The following REC114 variants were observed in gnomAD, a reference collection of about 807,000 sequenced individuals.
The protein encoded by REC114 is REC114 meiotic recombination protein.
Under a neutral mutation model 31.3 loss-of-function variants are expected in REC114, and 27 were observed. That is an observed-to-expected ratio of 0.86 (90% CI 0.64 to 1.19). The LOEUF (loss-of-function observed/expected upper bound fraction) is 1.19, where lower values mean the gene tolerates loss of function less well. REC114 is among the 50% of genes most tolerant of loss of function. The pLI, the probability that REC114 is intolerant of heterozygous loss-of-function variation, is 0.00. For missense variants in REC114, 344 were observed against 326.9 expected (o/e 1.05, Z -0.40); for synonymous variants, 134 against 127.7 (o/e 1.05, Z -0.33).
At chr15:73,522,026 A>T (rs1893942891) in intron 2 of REC114, among the ~76,000 whole-genome samples, 1 of 152,194 alleles carries the variant, frequency 6.6e-6, no homozygotes, top group Non-Finnish European at 1.5e-5. Flanking sequence ...TTTAAAAATC[A>T]ATGTGTTTCA....
intron 2 of REC114, among the ~76,000 whole-genome samples, chr15:73,521,964 A>C (rs1007891196): frequency 4.6e-5 from 7 of 152,232 alleles, no homozygotes; most frequent in Non-Finnish European, 5.9e-5. Flanking sequence ...TAAAATGAAC[A>C]GTACATTACA....
chr15:73,461,107 TTGG>T (rs1423691541), intron 1 of REC114, among the ~76,000 whole-genome samples: 6 of 152,100 alleles, frequency 3.9e-5, no homozygotes, highest in African/African-American at 1.2e-4. Context: ...GATTACTTTT[TTGG>T]TGGTGGGGAA....
intron 1 of REC114, among the ~76,000 whole-genome samples, chr15:73,451,672 C>T (rs1215087159): frequency 6.6e-6 from 1 of 152,064 alleles, no homozygotes; most frequent in Non-Finnish European, 1.5e-5. Context: ...GGCAGAGACA[C>T]AACAAAAAAA....
At chr15:73,477,719 C>T (rs1187647226) in intron 2 of REC114, among the ~76,000 whole-genome samples, 1 of 152,100 alleles carries the variant, frequency 6.6e-6, no homozygotes, top group Admixed American at 6.6e-5. Flanking sequence ...TGCCTGGCTG[C>T]AAAGATTTTT....
chr15:73,540,658 G>A, intron 3 of REC114, 90 bp downstream of exon 3: 1 of 1,061,920 alleles, frequency 9.4e-7, no homozygotes. Flanking sequence ...TAGGTGACGG[G>A]TACTGGGAAG....
intron 1 of REC114, among the ~76,000 whole-genome samples, chr15:73,449,729 T>C (rs1389145332): frequency 6.6e-6 from 1 of 151,872 alleles, no homozygotes; most frequent in African/African-American, 2.4e-5. Flanking sequence ...AAGGAAAAAA[T>C]GTTAAGGGCA....
At chr15:73,506,119 ATTAC>A (rs1294967701) in intron 2 of REC114, among the ~76,000 whole-genome samples, 3 of 152,110 alleles carry the variant, frequency 2.0e-5, no homozygotes, top group African/African-American at 7.2e-5. Context: ...AAATGTTATT[ATTAC>A]TTATTTATGG....
intron 2 of REC114, among the ~76,000 whole-genome samples, chr15:73,510,106 C>A (rs1893740976): frequency 6.6e-6 from 1 of 151,978 alleles, no homozygotes; most frequent in Admixed American, 6.6e-5. Context: ...TTTGTATCCT[C>A]TTTTATTTCT....
intron 2 of REC114, among the ~76,000 whole-genome samples, chr15:73,520,885 T>G (rs1328770636): frequency 2.6e-5 from 4 of 152,210 alleles, no homozygotes; most frequent in African/African-American, 9.6e-5. Context: ...CATTTTTTCA[T>G]TAATTCATCA....
At chr15:73,542,146 C>G (rs1057111766) in intron 3 of REC114, among the ~76,000 whole-genome samples, 2 of 151,614 alleles carry the variant, frequency 1.3e-5, no homozygotes, top group Admixed American at 1.3e-4. Context: ...GCCTGGACAA[C>G]GTGATGAAAC....
intron 5 of REC114, among the ~76,000 whole-genome samples, chr15:73,556,933 C>T (rs939210481): frequency 1.3e-5 from 2 of 152,146 alleles, no homozygotes; most frequent in South Asian, 2.1e-4. Flanking sequence ...GGTTGTGTGA[C>T]GTCCACTCTC....
intron 2 of REC114, among the ~76,000 whole-genome samples, chr15:73,508,178 G>A (rs11854374): frequency 0.15 from 22,310 of 151,982 alleles, 2,717 homozygotes; most frequent in African/African-American, 0.33. Flanking sequence ...CACATCTGGC[G>A]TCTGTTTGTT....
chr15:73,443,314 A>G lies in REC114; in HGVS notation c.129A>G (p.Glu43=). Residue 43 remains glutamate, a synonymous_variant, in exon 1 of 6, where the codon GAA becomes GAG. Transcript: ENST00000331090. The part of the protein sequence containing the change: ...NTRDPPGPCL[E]AGTAPCPTWK... ...GAGACCCACCTGGGCCATGCCTGGA[A>G]GCTGGGACAGCCCCCTGCCCCACAT... The G allele has an allele frequency of 6.3e-7, 1 of 1,582,634 alleles. No homozygotes were observed. The highest frequency in any genetic ancestry group is 1.3e-5 in the African/African-American group (1 of 74,406).
At chr15:73,461,082 G>T in intron 1 of REC114, among the ~76,000 whole-genome samples, 1 of 151,844 alleles carries the variant, frequency 6.6e-6, no homozygotes, top group Non-Finnish European at 1.5e-5. Flanking sequence ...AAAAGAAAAA[G>T]TTCTCTATAT....
At chr15:73,494,491 C>CAAAA (rs769659178) in intron 2 of REC114, among the ~76,000 whole-genome samples, 1 of 84,158 alleles carries the variant, frequency 1.2e-5, no homozygotes, top group Admixed American at 1.4e-4. Flanking sequence ...GACCCTGTCT[C>CAAAA]AAAAAAAAAA....
At chr15:73,522,411 C>A (rs1223202520) in intron 2 of REC114, among the ~76,000 whole-genome samples, 1 of 152,200 alleles carries the variant, frequency 6.6e-6, no homozygotes, top group Non-Finnish European at 1.5e-5. Flanking sequence ...CCACCACAAT[C>A]AATATGTAGA....
At chr15:73,469,522 T>C (rs1453407668) in intron 1 of REC114, among the ~76,000 whole-genome samples, 1 of 152,014 alleles carries the variant, frequency 6.6e-6, no homozygotes, top group Non-Finnish European at 1.5e-5. Context: ...CTCGAACTCC[T>C]GAGCTCAAGT....
Position 73,500,732 on chromosome 15 carries a change from T to TG in REC114, c.249+26811_249+26812insG, listed in dbSNP as rs200548774. 9.9e-5 allele frequency among the ~76,000 whole-genome samples: 15 copies of TG among 151,168 alleles called. No individual in the cohort carries two copies. In the East Asian group the frequency reaches 1.9e-3, roughly 19 times the overall value. ...AGCCTGTTCTCTTCAATTATTGTTTTTTTTTTTTTTTTTTCACTGCTGGTA... is the reference window on the plus strand; with the variant it reads ...AGCCTGTTCTCTTCAATTATTGTTTTGTTTTTTTTTTTTTTCACTGCTGGTA... On this transcript the variant is annotated intron_variant, in intron 2 of 5. Coordinates refer to ENST00000331090, the MANE Select transcript of REC114 (RefSeq NM_001042367.2).
At chr15:73,454,836 A>C (rs1300221286) in intron 1 of REC114, among the ~76,000 whole-genome samples, 1 of 152,178 alleles carries the variant, frequency 6.6e-6, no homozygotes, top group Non-Finnish European at 1.5e-5. Flanking sequence ...ATAATTCTTA[A>C]ATTCTTATCC....
Sources: allele counts gnomAD v4.1 joint callset (sites outside exome capture counted in the v4.1 genomes callset), GRCh38; gene constraint gnomAD v4.1.1; transcripts MANE v1.5; gene names NCBI Gene and HGNC (gene_info 2026-07-23, HGNC 2026-07-21).